PRDM16: variants seen among roughly 807,000 people sequenced by gnomAD.
PRDM16 encodes the protein PR/SET domain 16.
In PRDM16, 23 loss-of-function variants were observed where a neutral mutation model predicts 110.6. The observed-to-expected ratio is 0.21, with a 90% CI of 0.15 to 0.29. The LOEUF (loss-of-function observed/expected upper bound fraction) is 0.29. PRDM16 is among the 10% of genes least tolerant of loss of function. The probability of loss-of-function intolerance (pLI) is 1.00; values close to 1 mark genes in which losing one functional copy is unlikely to be tolerated. For synonymous variants in PRDM16, 799 were observed against 781.8 expected (o/e 1.02, Z -0.37); for missense variants, 1,615 against 1,794.3 (o/e 0.90, Z 1.81).
Position 3,425,148 on chromosome 1 carries a change from G to C in PRDM16, c.2940-433G>C, listed in dbSNP as rs940287088. The C allele has an allele frequency of 6.5e-6, 1 of 153,622 alleles. No individual in the cohort carries two copies. The allele number at this position is 153,622 out of a possible 1,614,324, so 9.5% of individuals were successfully genotyped here. A position where few individuals can be genotyped will look rare whatever the true frequency, so the allele number is the denominator to read the frequency against. On this transcript the variant is annotated intron_variant, in intron 12 of 16. Transcript: ENST00000270722. This position sits in a 1 kb window ranked among gnomAD's most constrained non-coding sequence, Gnocchi z 6.9. Reference sequence around the variant, plus strand: ...GCTGGAGTGCGGTGGCGTGATCTTGGCTCACTGCAAGCTCCGCCTCCCGGG... The same window carrying C: ...GCTGGAGTGCGGTGGCGTGATCTTGCCTCACTGCAAGCTCCGCCTCCCGGG...
At chr1:3,411,293 G>T (rs925573651) in intron 8 of PRDM16, 91 bp from the exon 9 acceptor site, 4 of 1,404,640 alleles carry the variant, frequency 2.8e-6, no homozygotes, top group Admixed American at 4.1e-5. Flanking sequence ...CCCTCCAGCG[G>T]CTGGCTTTCC....
rs530207640 is a variant in PRDM16, at chr1:3,129,463, A to G, written c.38-56662A>G. Among the ~76,000 whole-genome samples, 547 of 150,604 alleles carry G rather than the reference A, an allele frequency of 3.6e-3. 1 individual carries two copies. Among genetic ancestry groups the G allele is most frequent in the Non-Finnish European group, 6.0e-3 (405 of 67,470 alleles). On this transcript the variant is annotated intron_variant, in intron 1 of 16. Coordinates refer to ENST00000270722, the MANE Select transcript of PRDM16 (RefSeq NM_022114.4). ...CTGGTGTGCATGTGTCTGTGTGTGC[A>G]TGTGTGTGTGTGTGTGGCCTGTGCA...
intron 1 of PRDM16, among the ~76,000 whole-genome samples, chr1:3,109,635 A>AT (rs1569573515): frequency 4.6e-5 from 7 of 152,354 alleles, no homozygotes; most frequent in Admixed American, 6.5e-5. Context: ...CTGGGCAAGA[A>AT]TCCGAACTCC....
intron 3 of PRDM16, among the ~76,000 whole-genome samples, chr1:3,256,610 G>A (rs916105616): frequency 6.6e-6 from 1 of 152,214 alleles, no homozygotes; most frequent in Non-Finnish European, 1.5e-5. Flanking sequence ...TGTAATCCCA[G>A]CACTTTGGGA....
At chr1:3,277,874 A>T (rs1394881496) in intron 3 of PRDM16, among the ~76,000 whole-genome samples, 1 of 152,214 alleles carries the variant, frequency 6.6e-6, no homozygotes, top group African/African-American at 2.4e-5. Flanking sequence ...GTGTAAACAC[A>T]CCCAGGCACA....
chr1:3,272,339 G>C (rs1640474835), intron 3 of PRDM16, among the ~76,000 whole-genome samples: 1 of 152,198 alleles, frequency 6.6e-6, no homozygotes, highest in African/African-American at 2.4e-5. Context: ...GGGCTCTTTA[G>C]GTTCCCATGG....
At position 3,425,636 on chromosome 1, in the gene PRDM16, C is replaced by T. The variant is rs1638582349; in HGVS notation, c.2995C>T (p.Arg999Trp). ...CTCTTCGAACCTCCAGCGGCACGTC[C>T]GGAACATCCACAACAAGGAGAAGCC... is the stretch of plus-strand genomic sequence containing the variant. ...SISSNLQRHV[R>W]NIHNKEKPFK... The change falls in exon 13 of 17, where the codon CGG (arginine) becomes TGG (tryptophan). Residue 999 changes from arginine to tryptophan, a missense_variant. Physicochemically the swap from Arg to Trp is moderately radical, Grantham distance 101. Around this residue, in one of 5 missense-constraint regions of PRDM16, gnomAD observed 18 missense variants for 75.2 expected, o/e 0.24. Transcript: ENST00000270722. This position sits in a 1 kb window ranked among gnomAD's most constrained non-coding sequence, Gnocchi z 6.9. 6.2e-7 allele frequency: 1 copy of T among 1,613,832 alleles called. No individual in the cohort carries two copies. The highest frequency in any genetic ancestry group is 1.3e-5 in the African/African-American group (1 of 74,910).
At chr1:3,432,537 C>A (rs1313238741) in intron 16 of PRDM16, among the ~76,000 whole-genome samples, 1 of 152,238 alleles carries the variant, frequency 6.6e-6, no homozygotes, top group Non-Finnish European at 1.5e-5. Flanking sequence ...TCCAGCCGGG[C>A]AGTCTCTGCT....
intron 3 of PRDM16, among the ~76,000 whole-genome samples, chr1:3,381,809 C>T (rs181282375): frequency 6.6e-6 from 1 of 152,294 alleles, no homozygotes; most frequent in East Asian, 1.9e-4. Flanking sequence ...AGAGAGAGCC[C>T]AAAAGAGACG....
At chr1:3,330,454 G>T (rs994676482) in intron 3 of PRDM16, among the ~76,000 whole-genome samples, 1 of 152,214 alleles carries the variant, frequency 6.6e-6, no homozygotes, top group South Asian at 2.1e-4. Flanking sequence ...TGAACAGAGA[G>T]CAGAGGCCTC....
intron 3 of PRDM16, among the ~76,000 whole-genome samples, chr1:3,332,406 G>A (rs1469890496): frequency 1.3e-5 from 2 of 152,086 alleles, no homozygotes; most frequent in East Asian, 1.9e-4. Flanking sequence ...GGGGGGCTCG[G>A]GGCTGGGGGA....
intron 1 of PRDM16, among the ~76,000 whole-genome samples, chr1:3,152,674 C>T (rs1216870538): frequency 6.6e-6 from 1 of 152,222 alleles, no homozygotes; most frequent in Non-Finnish European, 1.5e-5. Flanking sequence ...CTCCTCAGGA[C>T]AAGGCTATGT....
intron 3 of PRDM16, among the ~76,000 whole-genome samples, chr1:3,320,694 G>A (rs557787822): frequency 4.6e-5 from 7 of 152,326 alleles, no homozygotes; most frequent in South Asian, 4.1e-4. Flanking sequence ...CCTTGGCCCC[G>A]CACAAAGGTC....
intron 1 of PRDM16, among the ~76,000 whole-genome samples, chr1:3,097,627 G>T (rs1489244821): frequency 2.0e-5 from 3 of 152,194 alleles, no homozygotes; most frequent in South Asian, 2.1e-4. Flanking sequence ...CTCATCTCCA[G>T]CCTGGAGATT....
chr1:3,142,006 T>G (rs2100703372), intron 1 of PRDM16, among the ~76,000 whole-genome samples: 1 of 152,378 alleles, frequency 6.6e-6, no homozygotes, highest in East Asian at 1.9e-4. Context: ...GGCCGCACTG[T>G]GCATTCGTCA....
chr1:3,415,526 G>A (rs981819646), intron 10 of PRDM16, among the ~76,000 whole-genome samples: 12 of 152,260 alleles, frequency 7.9e-5, no homozygotes, highest in South Asian at 4.1e-4. Flanking sequence ...CCCCGGGGCC[G>A]TGGAGTTTGG....
intron 1 of PRDM16, among the ~76,000 whole-genome samples, chr1:3,147,737 C>T (rs927465362): frequency 6.6e-6 from 1 of 152,192 alleles, no homozygotes; most frequent in Non-Finnish European, 1.5e-5. Context: ...TGGGCGGCCT[C>T]AGTCAGGCCA....
At chr1:3,348,160 TG>T (rs1190253307) in intron 3 of PRDM16, among the ~76,000 whole-genome samples, 1 of 152,088 alleles carries the variant, frequency 6.6e-6, no homozygotes, top group East Asian at 1.9e-4. Context: ...CGTCCCAGCC[TG>T]GGGGGTCTGG....
At chr1:3,343,351 T>C (rs932693467) in intron 3 of PRDM16, among the ~76,000 whole-genome samples, 1 of 151,528 alleles carries the variant, frequency 6.6e-6, no homozygotes, top group Non-Finnish European at 1.5e-5. Flanking sequence ...GATTTTTAGA[T>C]CTTTATGTAT....
Sources: gnomAD v4.1 joint callset for allele counts (sites outside exome capture counted in the v4.1 genomes callset) on GRCh38, gnomAD v4.1.1 for gene constraint, gnomAD v4.1.1 regional missense constraint, Gnocchi (gnomAD v3.1) non-coding constraint, MANE v1.5 for transcripts, NCBI Gene and HGNC (gene_info 2026-07-23, HGNC 2026-07-21) for gene names.